SH2D6: variants seen among roughly 807,000 people sequenced by gnomAD.
SH2D6 encodes SH2 domain-containing protein 6.
Under a neutral mutation model 30.2 loss-of-function variants are expected in SH2D6, and 31 were observed. The ratio of observed to expected loss-of-function variants is 1.03; its 90% CI spans 0.77 to 1.38. The LOEUF (loss-of-function observed/expected upper bound fraction) is 1.38. Ranked by LOEUF, SH2D6 falls within the 40% of genes most tolerant of loss-of-function variation. The pLI is 0.00. For synonymous variants in SH2D6, 93 were observed against 104.6 expected (o/e 0.89, Z 0.68); for missense variants, 240 against 266.8 (o/e 0.90, Z 0.70).
intron 2 of SH2D6, 110 bp from the exon 3 acceptor site, chr2:85,422,093 G>A (rs1687770259): frequency 6.6e-6 from 1 of 152,186 alleles, no homozygotes; most frequent in Non-Finnish European, 1.5e-5. Flanking sequence ...CTGTGAAGAG[G>A]ATATTGCCAT....
At chr2:85,427,078 A>G (rs1372459277) in intron 6 of SH2D6, among the ~76,000 whole-genome samples, 1 of 152,142 alleles carries the variant, frequency 6.6e-6, no homozygotes, top group Admixed American at 6.5e-5. Flanking sequence ...GCAGGGGAAA[A>G]ATCCATTTGA....
chr2:85,427,455 G>A (rs1688143406), intron 6 of SH2D6, among the ~76,000 whole-genome samples: 1 of 152,240 alleles, frequency 6.6e-6, no homozygotes, highest in Non-Finnish European at 1.5e-5. Flanking sequence ...CCCCCACCCA[G>A]ATGGCATGGA....
chr2:85,426,108 G>A (rs556953191), intron 6 of SH2D6, among the ~76,000 whole-genome samples: 11 of 152,172 alleles, frequency 7.2e-5, no homozygotes, highest in South Asian at 4.2e-4. Context: ...CACGTGCTGC[G>A]CTCTCCCACC....
At chr2:85,433,280 C>T (rs966366373) in intron 15 of SH2D6, among the ~76,000 whole-genome samples, 159 bp downstream of exon 15, 6 of 152,224 alleles carry the variant, frequency 3.9e-5, no homozygotes, top group African/African-American at 9.6e-5. Flanking sequence ...CCCTGGCAGG[C>T]AATGAGCCAG....
Position 85,433,583 on chromosome 2 carries a change from C to T in SH2D6, c.406C>T (p.Pro136Ser). 1 of 1,000,140 alleles carries T rather than the reference C, an allele frequency of 1.0e-6. No individual in the cohort carries two copies. The highest frequency in any genetic ancestry group is 1.2e-6 in the Non-Finnish European group (1 of 839,052). 62.0% of individuals were successfully genotyped at this position (1,000,140 alleles called of 1,614,324 possible). A position where few individuals can be genotyped will look rare whatever the true frequency, so the allele number is the denominator to read the frequency against. Reference protein sequence around the residue: ...GASSRVVPGPPKKPDEDLYLE... With the variant: ...GASSRVVPGPSKKPDEDLYLE... ...CTCCCTACCTTAGGTGCCAGGCCCT[C>T]CAAAGAAACCTGATGAGGACCTCTA... Residue 136 changes from proline to serine, a missense_variant, in exon 16 of 24, where the codon CCA becomes TCA. Coordinates refer to ENST00000469800, the MANE Select transcript of SH2D6 (RefSeq NM_001394463.1).
At chr2:85,434,900 G>A in intron 19 of SH2D6, 165 bp from the exon 20 acceptor site, 12 of 1,585,708 alleles carry the variant, frequency 7.6e-6, no homozygotes, top group Non-Finnish European at 1.0e-5. Flanking sequence ...TCCTGCCAGG[G>A]CACTGGATCT....
chr2:85,432,593 G>T (rs1301175443), intron 14 of SH2D6, among the ~76,000 whole-genome samples: 2 of 151,966 alleles, frequency 1.3e-5, no homozygotes, highest in Non-Finnish European at 2.9e-5. Context: ...GTAGAGACGG[G>T]GTTTCACCGT....
At chr2:85,432,101 T>A (rs1688734960) in intron 14 of SH2D6, 142 bp downstream of exon 14, 1 of 152,472 alleles carries the variant, frequency 6.6e-6, no homozygotes, top group Non-Finnish European at 1.5e-5. Context: ...CTTTTTAACC[T>A]ACCAATCCTC....
intron 6 of SH2D6, among the ~76,000 whole-genome samples, chr2:85,426,524 T>A (rs571360263): frequency 5.9e-5 from 9 of 152,290 alleles, no homozygotes; most frequent in Admixed American, 3.3e-4. Flanking sequence ...GGAGAAGGAA[T>A]GCTGTGGTTA....
chr2:85,429,143 A>T (rs1688318280), intron 7 of SH2D6, among the ~76,000 whole-genome samples: 1 of 152,220 alleles, frequency 6.6e-6, no homozygotes, highest in Admixed American at 6.5e-5. Flanking sequence ...AAATAATGTA[A>T]TGTTGTCTAT....
At chr2:85,435,873 C>T in intron 22 of SH2D6, 49 bp downstream of exon 22, 1 of 1,494,078 alleles carries the variant, frequency 6.7e-7, no homozygotes, top group Non-Finnish European at 8.9e-7. Flanking sequence ...CAGAGCAGTA[C>T]CCCAGGCCTA....
In SH2D6 at chr2:85,436,506, G is replaced by A. The variant is rs1404416287; in HGVS notation, c.932G>A (p.Trp311Ter). 2.5e-6 allele frequency: 4 copies of A among 1,613,670 alleles called. No individual in the cohort carries two copies. Among genetic ancestry groups the A allele is most frequent in the Non-Finnish European group, 3.4e-6 (4 of 1,179,976 alleles). Residue 311 changes from tryptophan to a stop codon, truncating the protein, a stop_gained, in exon 23 of 24, where the codon TGG (tryptophan) becomes TAG (stop). Transcript: ENST00000469800. LOFTEE classifies it high-confidence loss of function. ...SVAAMVQHFMWHPLPLVDRHS... is the reference protein window; with the variant it reads ...SVAAMVQHFM ...GCGGCCATGGTCCAGCACTTCATGT[G>A]GCACCCTCTGCCCCTTGTGGACAGA...
chr2:85,422,787 C>G (rs576351485), intron 5 of SH2D6, 97 bp downstream of exon 5: 1 of 152,464 alleles, frequency 6.6e-6, no homozygotes, highest in South Asian at 2.1e-4. Flanking sequence ...AAACCAACCT[C>G]AACTTTCAGC....
intron 6 of SH2D6, among the ~76,000 whole-genome samples, chr2:85,426,577 T>G (rs1688068527): frequency 6.6e-6 from 1 of 152,192 alleles, no homozygotes; most frequent in Non-Finnish European, 1.5e-5. Flanking sequence ...TCAGAGAGCT[T>G]CTCCATAGCT....
chr2:85,433,224 C>A, intron 15 of SH2D6, 103 bp downstream of exon 15: 1 of 835,852 alleles, frequency 1.2e-6, no homozygotes, highest in Non-Finnish European at 1.4e-6. Context: ...TCCCTGAAAC[C>A]AAGGGAAAAG....
chr2:85,427,555 T>G (rs1456594878), intron 6 of SH2D6, among the ~76,000 whole-genome samples: 2 of 151,792 alleles, frequency 1.3e-5, no homozygotes, highest in East Asian at 3.9e-4. Context: ...GTGGCTGGAG[T>G]GAGGGCAGCA....
rs550963412 is a variant in SH2D6 at position 85,420,198 on chromosome 2, G to A, written c.-577+954G>A. Among the ~76,000 whole-genome samples the A allele has an allele frequency of 1.2e-3, 178 of 152,214 alleles. 2 individuals carry two copies. The highest frequency in any genetic ancestry group is 4.2e-3 in the African/African-American group (174 of 41,540). ...CGGTCCACTGCAACCTCTGCCTCCC[G>A]GGCTTAAGCGGTTCTCCTGCCTCAG... On this transcript the variant is annotated intron_variant, in intron 2 of 23. Transcript: ENST00000469800.
At chr2:85,423,712 C>T (rs1172074768) in intron 5 of SH2D6, among the ~76,000 whole-genome samples, 3 of 152,238 alleles carry the variant, frequency 2.0e-5, no homozygotes, top group African/African-American at 7.2e-5. Context: ...TCACAGCTGT[C>T]CCGAGTCAGC....
chr2:85,434,908 T>A, intron 19 of SH2D6, 157 bp from the exon 20 acceptor site: 1 of 1,592,088 alleles, frequency 6.3e-7, no homozygotes, highest in African/African-American at 1.3e-5. Flanking sequence ...GGGCACTGGA[T>A]CTGGAGAGTG....
Sources: allele counts gnomAD v4.1 joint callset (sites outside exome capture counted in the v4.1 genomes callset), GRCh38; gene constraint gnomAD v4.1.1; transcripts MANE v1.5; gene names NCBI Gene and HGNC (gene_info 2026-07-23, HGNC 2026-07-21).